The following CDH8 variants were observed in gnomAD, a reference collection of about 807,000 sequenced individuals.
CDH8 encodes cadherin 8.
CDH8 carries 17 observed loss-of-function variants against 68.1 expected under a neutral mutation model. That is an observed-to-expected ratio of 0.25 (90% CI 0.17 to 0.37). CDH8 has a LOEUF of 0.37. Among genes scored for constraint, CDH8 ranks in the 10% least tolerant of loss-of-function variants. CDH8 has a pLI of 1.00. For missense variants in CDH8, 763 were observed against 999.3 expected (o/e 0.76, Z 3.19); for synonymous variants, 372 against 365.1 (o/e 1.02, Z -0.21).
intron 2 of CDH8, among the ~76,000 whole-genome samples, chr16:61,934,881 A>G (rs1454146764): frequency 6.6e-6 from 1 of 152,210 alleles, no homozygotes; most frequent in Non-Finnish European, 1.5e-5. Context: ...CTTCCAGTGC[A>G]ATAATTACAA....
At chr16:61,962,411 T>G (rs1035128800) in intron 2 of CDH8, among the ~76,000 whole-genome samples, 1 of 152,144 alleles carries the variant, frequency 6.6e-6, no homozygotes, top group African/African-American at 2.4e-5. Context: ...GACCTTTGTA[T>G]TACCGGAGTA....
chr16:61,921,178 G>A (rs574770298), intron 2 of CDH8, among the ~76,000 whole-genome samples: 670 of 150,148 alleles, frequency 4.5e-3, no homozygotes, highest in Middle Eastern at 0.014. Context: ...TGGGTGCACC[G>A]CACCAGCATG....
At chr16:61,881,091 G>A (rs141776394) in intron 3 of CDH8, among the ~76,000 whole-genome samples, 3 of 152,128 alleles carry the variant, frequency 2.0e-5, no homozygotes, top group Admixed American at 1.3e-4. Context: ...CCTCGTCCCT[G>A]GATGAAACCT....
At chr16:61,833,293 T>C (rs1261493495) in intron 4 of CDH8, among the ~76,000 whole-genome samples, 4 of 151,606 alleles carry the variant, frequency 2.6e-5, no homozygotes, top group South Asian at 4.1e-4. Flanking sequence ...TAAATGTAGA[T>C]AAATTTTGTA....
chr16:62,012,580 T>C (rs1901839337), intron 2 of CDH8, among the ~76,000 whole-genome samples: 1 of 152,208 alleles, frequency 6.6e-6, no homozygotes, highest in African/African-American at 2.4e-5. Flanking sequence ...GATGTTAAGA[T>C]AATTGAAAAA....
chr16:61,855,367 A>G (rs569444865), intron 4 of CDH8, among the ~76,000 whole-genome samples: 7 of 152,284 alleles, frequency 4.6e-5, no homozygotes, highest in African/African-American at 1.4e-4. Flanking sequence ...TATTATTTAT[A>G]CCTCATAGTA....
intron 3 of CDH8, among the ~76,000 whole-genome samples, chr16:61,859,565 G>A (rs1291053189): frequency 6.6e-6 from 1 of 152,148 alleles, no homozygotes; most frequent in Non-Finnish European, 1.5e-5. Flanking sequence ...TGGAAGTAGA[G>A]ACACAGATTA....
chr16:61,761,581 A>T (rs552115674), intron 8 of CDH8, among the ~76,000 whole-genome samples: 1 of 152,194 alleles, frequency 6.6e-6, no homozygotes, highest in Non-Finnish European at 1.5e-5. Flanking sequence ...GCTTCAAAAA[A>T]TACAAAAGTA....
intron 4 of CDH8, among the ~76,000 whole-genome samples, chr16:61,852,869 C>CCTTCCTTCCTTCCTTCCTTCCTTCCATT (rs985353362): frequency 7.4e-6 from 1 of 135,680 alleles, no homozygotes; most frequent in East Asian, 2.2e-4. Flanking sequence ...TTCCTTCCTT[C>CCTTCCTTCCTTCCTTCCTTCCTTCCATT]CTTCCTTCCT....
chr16:61,923,371 T>C (rs1210633845), intron 2 of CDH8, among the ~76,000 whole-genome samples: 1 of 152,148 alleles, frequency 6.6e-6, no homozygotes, highest in Non-Finnish European at 1.5e-5. Flanking sequence ...ACATCCGCAC[T>C]CAATCTTTTT....
chr16:61,696,030 T>C (rs918780894), intron 10 of CDH8, among the ~76,000 whole-genome samples: 4 of 152,220 alleles, frequency 2.6e-5, no homozygotes, highest in Non-Finnish European at 2.9e-5. Flanking sequence ...TACATTATAC[T>C]ATGTCACATC....
intron 2 of CDH8, among the ~76,000 whole-genome samples, chr16:61,968,067 C>T (rs1212742265): frequency 6.6e-6 from 1 of 152,130 alleles, no homozygotes; most frequent in East Asian, 1.9e-4. Context: ...GCTTTGGCCT[C>T]CCAAAGAGCT....
intron 9 of CDH8, among the ~76,000 whole-genome samples, chr16:61,720,217 T>G (rs913168889): frequency 4.6e-5 from 7 of 150,902 alleles, no homozygotes; most frequent in Non-Finnish European, 1.0e-4. Flanking sequence ...GTCTTCCCAG[T>G]ATTATCTCAG....
chr16:62,033,947 T>C (rs1279476143), intron 1 of CDH8, among the ~76,000 whole-genome samples: 1 of 152,174 alleles, frequency 6.6e-6, no homozygotes, highest in Non-Finnish European at 1.5e-5. Flanking sequence ...GCTTCAAATC[T>C]GCTAAAGCAG....
intron 4 of CDH8, among the ~76,000 whole-genome samples, chr16:61,846,559 G>C (rs1962810297): frequency 6.6e-6 from 1 of 152,076 alleles, no homozygotes; most frequent in Non-Finnish European, 1.5e-5. Context: ...TTTTGCAGAT[G>C]GGAAGCCTGA....
At chr16:61,680,562 G>T (rs1366680525) in intron 10 of CDH8, among the ~76,000 whole-genome samples, 1 of 147,392 alleles carries the variant, frequency 6.8e-6, no homozygotes, top group African/African-American at 2.5e-5. Context: ...TGAACTTGTG[G>T]ATGAGAACAA....
At chr16:61,762,007 T>A (rs1960482824) in intron 8 of CDH8, among the ~76,000 whole-genome samples, 2 of 151,736 alleles carry the variant, frequency 1.3e-5, no homozygotes, top group Admixed American at 6.6e-5. Context: ...TCTCAAAAAA[T>A]AAGTAAAAAG....
chr16:61,717,054 C>T (rs1378300804), intron 9 of CDH8, among the ~76,000 whole-genome samples: 3 of 151,554 alleles, frequency 2.0e-5, no homozygotes, highest in Non-Finnish European at 4.4e-5. Context: ...ATGACCTCAG[C>T]TGGTTTTTTC....
At chr16:61,782,243 G>C (rs1829193360) in intron 8 of CDH8, among the ~76,000 whole-genome samples, 1 of 152,190 alleles carries the variant, frequency 6.6e-6, no homozygotes, top group South Asian at 2.1e-4. Context: ...CACCGTCCGC[G>C]AGCCGAAGCA....
Sources: allele counts gnomAD v4.1 joint callset (sites outside exome capture counted in the v4.1 genomes callset), GRCh38; gene constraint gnomAD v4.1.1; transcripts MANE v1.5; gene names NCBI Gene and HGNC (gene_info 2026-07-23, HGNC 2026-07-21).